Variants in NAPSA observed in about 807,000 individuals in gnomAD.
NAPSA encodes napsin A aspartic peptidase.
In NAPSA, 37 loss-of-function variants were observed where a neutral mutation model predicts 36.7. The ratio of observed to expected loss-of-function variants is 1.01; its 90% CI spans 0.78 to 1.33. NAPSA has a LOEUF of 1.33. Among genes scored for constraint, NAPSA ranks in the 40% most tolerant of loss-of-function variants. NAPSA has a pLI of 0.00. For missense variants in NAPSA, 532 were observed against 543.8 expected (o/e 0.98, Z 0.21); for synonymous variants, 222 against 234.5 (o/e 0.95, Z 0.49).
upstream of NAPSA, among the ~76,000 whole-genome samples, chr19:50,367,977 G>A (rs573496917): frequency 6.6e-6 from 1 of 152,092 alleles, no homozygotes; most frequent in African/African-American, 2.4e-5. Context: ...GGCCAACATG[G>A]TGAAACCCTG....
At chr19:50,368,192 A>T (rs577514761), upstream of NAPSA, among the ~76,000 whole-genome samples, 71 of 149,168 alleles carry the variant, frequency 4.8e-4, no homozygotes, top group Non-Finnish European at 9.1e-4. Flanking sequence ...AACAAAAGAA[A>T]GGCTAGGTGC....
intron 8 of NAPSA, 78 bp from the exon 9 acceptor site, chr19:50,358,858 C>A (rs1170894765): frequency 4.3e-6 from 6 of 1,407,032 alleles, no homozygotes; most frequent in Middle Eastern, 1.8e-4. Flanking sequence ...CCATCCCCCC[C>A]ACCCTCGGGT....
intron 8 of NAPSA, 63 bp downstream of exon 8, chr19:50,358,948 T>C (rs2037432711): frequency 6.8e-7 from 1 of 1,466,698 alleles, no homozygotes; most frequent in Admixed American, 1.8e-5. Context: ...GTGACGTCTC[T>C]CAGCTCTACC....
Position 50,361,718 on chromosome 19 carries a change from G to A in NAPSA, c.413C>T (p.Ala138Val), listed in dbSNP as rs1241526535. 5 of 1,614,066 alleles carry A rather than the reference G, an allele frequency of 3.1e-6. No homozygotes were observed. Among genetic ancestry groups the A allele is most frequent in the Non-Finnish European group, 4.2e-6 (5 of 1,180,018 alleles). Reference protein sequence around the residue: ...SSFQANGTKFAIQYGTGRVDG... With the variant: ...SSFQANGTKFVIQYGTGRVDG... ...TACCCGCCCAGTTCCATATTGAATG[G>A]CAAACTTGGTCCCATTGGCCTGGAA... is the stretch of plus-strand genomic sequence containing the variant. Residue 138 changes from alanine to valine, a missense_variant, in exon 4 of 9, where the codon GCC (alanine) becomes GTC (valine). Physicochemically the swap from Ala to Val is moderately conservative, Grantham distance 64 (BLOSUM62 0). Transcript: ENST00000253719.
At position 50,359,054 on chromosome 19, in the gene NAPSA, C is replaced by G. The variant is rs147978254; in HGVS notation, c.992G>C (p.Gly331Ala). 631 of 1,614,102 alleles carry G rather than the reference C, an allele frequency of 3.9e-4. No homozygotes were observed. The highest frequency in any genetic ancestry group is 4.9e-4 in the Non-Finnish European group (579 of 1,179,998). ...PKLPAVSFLL[G>A]GVWFNLTAHD... The stretch of plus-strand genomic sequence containing the variant: ...GGCCGTGAGGTTAAACCAGACCCCC[C>G]CAAGAAGGAAGGAGACTGCGGGGAG... Residue 331 changes from glycine (G) to alanine (A), a missense_variant, in exon 8 of 9, where the codon GGG (glycine) becomes GCG (alanine). Transcript: ENST00000253719.
intron 6 of NAPSA, 41 bp from the exon 7 acceptor site, chr19:50,359,688 G>A (rs2037446211): frequency 1.9e-6 from 3 of 1,614,114 alleles, no homozygotes; most frequent in Admixed American, 1.7e-5. Context: ...AGGGTCCTAG[G>A]AGTCCAGGCC....
At chr19:50,362,566 T>G (rs1470201741) in intron 1 of NAPSA, 1 of 338,138 alleles carries the variant, frequency 3.0e-6, no homozygotes, top group Non-Finnish European at 5.3e-6. Context: ...TAAAATAAGC[T>G]ATTCCCAAGG....
upstream of NAPSA, among the ~76,000 whole-genome samples, chr19:50,367,595 T>C (rs944605835): frequency 3.0e-4 from 46 of 152,042 alleles, 1 homozygote; most frequent in African/African-American, 1.1e-3. Context: ...TCTGTCTCTC[T>C]CTCTCTGCTG....
Position 50,358,574 on chromosome 19 carries a change from C to T in NAPSA, c.1242G>A (p.Ala414=), listed in dbSNP as rs1383742031. 6.2e-7 allele frequency: 1 copy of T among 1,605,398 alleles called. No homozygotes were observed. Among genetic ancestry groups the T allele is most frequent in the South Asian group, 1.1e-5 (1 of 90,324 alleles). ...RGADLGWGET[A]QAQFPG is the part of the protein sequence containing the mutation. ...GGCGTCACCCGGGGAACTGCGCCTG[C>T]GCAGTCTCTCCCCATCCGAGGTCCG... The change falls in exon 9 of 9, where the codon GCG becomes GCA. Residue 414 remains alanine, a synonymous_variant. Transcript: ENST00000253719.
chr19:50,359,089 T>A lies in NAPSA; in HGVS notation c.957A>T (p.Glu319Asp), dbSNP rs771235197. ...LAGEYIILCSEIPKLPAVSFL... is the reference protein window; with the variant it reads ...LAGEYIILCSDIPKLPAVSFL... ...AGGAGACTGCGGGGAGCTTTGGGAT[T>A]TCCGAGCACAGGATGATGTACTGGG... The change falls in exon 8 of 9, where the codon GAA (glutamate) becomes GAT (aspartate). Residue 319 changes from glutamate (E) to aspartate (D), a missense_variant. Coordinates refer to ENST00000253719, the MANE Select transcript of NAPSA (RefSeq NM_004851.3). 2.3e-5 allele frequency: 37 copies of A among 1,613,730 alleles called. No homozygotes were observed. Among genetic ancestry groups the A allele is most frequent in the Admixed American group, 3.3e-5 (2 of 60,000 alleles).
At chr19:50,360,895 C>T (rs1214753435) in intron 5 of NAPSA, 46 bp downstream of exon 5, 1 of 1,563,668 alleles carries the variant, frequency 6.4e-7, no homozygotes, top group East Asian at 2.3e-5. Flanking sequence ...AGACTCTCTT[C>T]CTTCTTGGGG....
At chr19:50,369,231 G>C (rs1393254407), upstream of NAPSA, 3 of 152,230 alleles carry the variant, frequency 2.0e-5, no homozygotes, top group African/African-American at 4.8e-5. Context: ...GGTGCAGCAA[G>C]ATTAAGAGGA....
At chr19:50,358,813 C>T (rs1466990871) in intron 8 of NAPSA, 33 bp from the exon 9 acceptor site, 2 of 1,561,676 alleles carry the variant, frequency 1.3e-6, no homozygotes, top group East Asian at 2.3e-5. Flanking sequence ...CTGGGTGTCG[C>T]GGCCACAAGG....
upstream of NAPSA, among the ~76,000 whole-genome samples, chr19:50,367,536 GTCTC>G (rs60930348): frequency 2.9e-5 from 4 of 139,674 alleles, no homozygotes; most frequent in Non-Finnish European, 6.3e-5. Flanking sequence ...AACAGAGTCA[GTCTC>G]TCTCTCTCCC....
chr19:50,362,526 C>G (rs1419774919), intron 1 of NAPSA: 2 of 440,964 alleles, frequency 4.5e-6, no homozygotes, highest in East Asian at 7.1e-5. Context: ...GCAAACCATC[C>G]CAAACAGACC....
At chr19:50,365,513 T>C (rs2037536197) in intron 1 of NAPSA, 26 bp downstream of exon 1, 1 of 1,605,992 alleles carries the variant, frequency 6.2e-7, no homozygotes, top group African/African-American at 1.3e-5. Context: ...CTCCTAAGGT[T>C]GGGGTGGTAG....
chr19:50,358,711 G>C lies in NAPSA; in HGVS notation c.1105C>G (p.Pro369Ala), dbSNP rs1358470366. 1 of 1,613,396 alleles carries C rather than the reference G, an allele frequency of 6.2e-7. No homozygotes were observed. Among genetic ancestry groups the C allele is most frequent in the Non-Finnish European group, 8.5e-7 (1 of 1,180,000 alleles). ...QALDVPPPAG[P>A]FWILGDVFLG... is the part of the protein sequence containing the mutation. ...AAGACGTCACCGAGGATCCAGAAGG[G>C]CCCTGCAGGCGGAGGGACATCCAGG... The change falls in exon 9 of 9, where the codon CCC becomes GCC. Residue 369 changes from proline (P) to alanine (A), a missense_variant. Coordinates refer to ENST00000253719, the MANE Select transcript of NAPSA (RefSeq NM_004851.3).
rs1271698876 is a variant in NAPSA at position 50,361,666 on chromosome 19, CA to C, written c.464del (p.Leu155ArgfsTer11). 1 of 1,612,770 alleles carries C rather than the reference CA, an allele frequency of 6.2e-7. No individual in the cohort carries two copies. The highest frequency in any genetic ancestry group is 1.3e-5 in the African/African-American group (1 of 75,008). On this transcript the variant is annotated frameshift_variant, in exon 4 of 9. Coordinates refer to ENST00000253719, the MANE Select transcript of NAPSA (RefSeq NM_004851.3). LOFTEE classifies it high-confidence loss of function. ...RVDGILSEDKLTIGGIKGASV... is the reference protein window; with the variant it reads ...RVDGILSEDKXTIGGIKGASV... ...CTGAGAGTCAAAGGCCACTCACAGT[CA>C]GCTTGTCCTCGCTCAGGATTCCATC...
In NAPSA at chr19:50,359,050, C is replaced by A. The variant is rs759626512; in HGVS notation, c.996G>T (p.Gly332=). ...KLPAVSFLLG[G]VWFNLTAHDY... Reference sequence around the variant, plus strand: ...CATGGGCCGTGAGGTTAAACCAGACCCCCCCAAGAAGGAAGGAGACTGCGG... The same window carrying A: ...CATGGGCCGTGAGGTTAAACCAGACACCCCCAAGAAGGAAGGAGACTGCGG... The change falls in exon 8 of 9, where the codon GGG becomes GGT. Residue 332 remains glycine (G), a synonymous_variant. Transcript: ENST00000253719. 4 of 1,614,046 alleles carry A rather than the reference C, an allele frequency of 2.5e-6. No individual in the cohort carries two copies. Among genetic ancestry groups the A allele is most frequent in the East Asian group, 2.2e-5 (1 of 44,884 alleles).
Sources: gnomAD v4.1 joint callset for allele counts (sites outside exome capture counted in the v4.1 genomes callset) on GRCh38, gnomAD v4.1.1 for gene constraint, MANE v1.5 for transcripts, NCBI Gene and HGNC (gene_info 2026-07-23, HGNC 2026-07-21) for gene names.